INO80D: variants seen among roughly 807,000 people sequenced by gnomAD.
The protein encoded by INO80D is INO80 complex subunit D.
Under a neutral mutation model 87.6 loss-of-function variants are expected in INO80D, and 21 were observed. The observed-to-expected ratio is 0.24, with a 90% CI of 0.17 to 0.35. The LOEUF is 0.35. INO80D is among the 10% of genes least tolerant of loss of function. The pLI is 1.00. For missense variants in INO80D, 982 were observed against 1,280.7 expected (o/e 0.77, Z 3.56); for synonymous variants, 440 against 491.0 (o/e 0.90, Z 1.37).
chr2:206,069,373 A>G (rs1283850991), intron 1 of INO80D, among the ~76,000 whole-genome samples: 3 of 152,138 alleles, frequency 2.0e-5, no homozygotes, highest in Non-Finnish European at 4.4e-5. Context: ...ATACATATAC[A>G]AAATATGTGT....
rs1687941804 is a variant in INO80D, at chr2:206,003,532, G to A, written c.*836C>T. 6.6e-6 allele frequency: 1 copy of A among 152,176 alleles called. No individual in the cohort carries two copies. The allele number at this position is 152,176 out of a possible 1,614,324, so 9.4% of individuals were successfully genotyped here. ...TAGGACATCCCTACCTCACTGACGG[G>A]AATCCAAGCTTTCTATGTTCTGTTT... is the stretch of plus-strand genomic sequence containing the variant. On this transcript the variant is annotated 3_prime_UTR_variant, in exon 11 of 11. Transcript: ENST00000403263.
chr2:206,011,078 C>CAA (rs5838007), intron 8 of INO80D, among the ~76,000 whole-genome samples: 34 of 95,638 alleles, frequency 3.6e-4, no homozygotes, highest in Non-Finnish European at 5.1e-4. Flanking sequence ...AACTCAGTCT[C>CAA]AAAAAAAAAA....
In INO80D at chr2:206,045,903, T is replaced by C. The variant is rs117837834; in HGVS notation, c.1073+601A>G. On this transcript the variant is annotated intron_variant, in intron 5 of 10. Transcript: ENST00000403263. The stretch of plus-strand genomic sequence containing the variant: ...CCACGTGCAAGTTCCTCAACCTATG[T>C]GGGCCTTGCTTTCCTCTTCTGTAAA... Among the ~76,000 whole-genome samples, 86 of 152,310 alleles carry C rather than the reference T, an allele frequency of 5.6e-4. No individual in the cohort carries two copies. In the East Asian group the frequency reaches 0.016, roughly 28 times the overall value.
At chr2:206,012,332 G>A (rs960621615) in intron 8 of INO80D, among the ~76,000 whole-genome samples, 21 of 152,058 alleles carry the variant, frequency 1.4e-4, no homozygotes, top group African/African-American at 4.1e-4. Context: ...AACTGTATGC[G>A]TCTACAAAAC....
chr2:206,005,375 A>G lies in INO80D; in HGVS notation c.2077T>C (p.Phe693Leu), dbSNP rs1408156048. The change falls in exon 11 of 11, where the codon TTC (phenylalanine) becomes CTC (leucine). Residue 693 changes from phenylalanine to leucine, a missense_variant. By Grantham distance (22) the Phe-to-Leu change is conservative (BLOSUM62 0). Coordinates refer to ENST00000403263, the MANE Select transcript of INO80D (RefSeq NM_017759.5). Reference protein sequence around the residue: ...QELSDRGIGVFSTGTGASGIQ... With the variant: ...QELSDRGIGVLSTGTGASGIQ... Reference sequence around the variant, plus strand: ...CCTGAAGCTCCAGTACCTGTGGAGAACACCCCTATTCCTCTATCTGACAAC... The same window carrying G: ...CCTGAAGCTCCAGTACCTGTGGAGAGCACCCCTATTCCTCTATCTGACAAC... 1 of 1,613,836 alleles carries G rather than the reference A, an allele frequency of 6.2e-7. No individual in the cohort carries two copies.
At chr2:206,083,860 CAAAAAAA>C (rs35840816) in intron 1 of INO80D, among the ~76,000 whole-genome samples, 1 of 99,592 alleles carries the variant, frequency 1.0e-5, no homozygotes, top group Non-Finnish European at 2.1e-5. Flanking sequence ...CTAAGCTCAC[CAAAAAAA>C]AAAAAAAAAA....
intron 1 of INO80D, among the ~76,000 whole-genome samples, chr2:206,067,155 G>C (rs1455889309): frequency 6.6e-6 from 1 of 151,780 alleles, no homozygotes; most frequent in African/African-American, 2.4e-5. Flanking sequence ...GCTAAGGCAG[G>C]AGAATCGCTT....
intron 8 of INO80D, among the ~76,000 whole-genome samples, chr2:206,017,047 G>A (rs1688337905): frequency 6.6e-6 from 1 of 152,212 alleles, no homozygotes; most frequent in East Asian, 1.9e-4. Flanking sequence ...TGAATCCTTA[G>A]CCCCTAGTTA....
At chr2:206,011,974 C>G (rs1204162875) in intron 8 of INO80D, among the ~76,000 whole-genome samples, 3 of 152,150 alleles carry the variant, frequency 2.0e-5, no homozygotes, top group Non-Finnish European at 4.4e-5. Context: ...TGGTAACAAA[C>G]CTGAATGAAA....
chr2:206,016,357 G>C (rs933423903), intron 8 of INO80D, among the ~76,000 whole-genome samples: 1 of 152,084 alleles, frequency 6.6e-6, no homozygotes, highest in African/African-American at 2.4e-5. Flanking sequence ...TCTCCCATTT[G>C]GAACAGCTGT....
At chr2:206,038,374 A>C (rs1688945632) in intron 5 of INO80D, among the ~76,000 whole-genome samples, 1 of 152,216 alleles carries the variant, frequency 6.6e-6, no homozygotes, top group East Asian at 1.9e-4. Context: ...TTTTAAAAGA[A>C]ACACTTAACA....
rs1278100602 is a variant in INO80D at position 206,028,346 on chromosome 2, C to A, written c.1074-11G>T. The A allele has an allele frequency of 6.4e-7, 1 of 1,565,778 alleles. No individual in the cohort carries two copies. The highest frequency in any genetic ancestry group is 1.1e-5 in the South Asian group (1 of 86,990). ...TCATCATCATCTGACCTGGAAAGTG[C>A]AGGGAGAGAAAGGAAAAACTGATTA... is the stretch of plus-strand genomic sequence containing the variant. On this transcript the variant is annotated splice_polypyrimidine_tract_variant and intron_variant, in intron 5 of 10. Transcript: ENST00000403263.
At chr2:206,020,415 C>T (rs544178530) in intron 6 of INO80D, among the ~76,000 whole-genome samples, 1 of 152,184 alleles carries the variant, frequency 6.6e-6, no homozygotes, top group East Asian at 1.9e-4. Context: ...TGATTATCGC[C>T]ACCATTAGGA....
At chr2:206,027,160 A>ACGCG (rs1688639861) in intron 6 of INO80D, among the ~76,000 whole-genome samples, 1 of 141,554 alleles carries the variant, frequency 7.1e-6, no homozygotes, top group Non-Finnish European at 1.6e-5. Context: ...GCACGCGCAC[A>ACGCG]CACACACACA....
At chr2:206,083,592 T>C (rs757452227) in intron 1 of INO80D, among the ~76,000 whole-genome samples, 8 of 152,126 alleles carry the variant, frequency 5.3e-5, no homozygotes, top group Admixed American at 1.3e-4. Flanking sequence ...ATATCTATCA[T>C]TGTGGAGAAA....
intron 5 of INO80D, among the ~76,000 whole-genome samples, chr2:206,031,110 T>C (rs910680129): frequency 3.3e-5 from 5 of 151,946 alleles, no homozygotes; most frequent in African/African-American, 9.7e-5. Context: ...AAAAAATAGC[T>C]TGGTATGGTG....
rs1175389682 is a variant in INO80D at position 206,047,856 on chromosome 2, A to ATTTTT, written c.965-1249_965-1245dup. On this transcript the variant is annotated intron_variant, in intron 4 of 10. Coordinates refer to ENST00000403263, the MANE Select transcript of INO80D (RefSeq NM_017759.5). ...CTAATGAGGTTTCGGATTTCTTTCAATTTTTTTTTTTTGAGACGGAGTCTC... is the reference window on the plus strand; with the variant it reads ...CTAATGAGGTTTCGGATTTCTTTCAATTTTTTTTTTTTTTTTTGAGACGGAGTCTC... 5.0e-5 allele frequency among the ~76,000 whole-genome samples: 7 copies of ATTTTT among 139,436 alleles called. 1 individual carries two copies. Among genetic ancestry groups the ATTTTT allele is most frequent in the Non-Finnish European group, 7.7e-5 (5 of 64,842 alleles). The allele number at this position is 139,436 out of a possible 152,430, so 91.5% of individuals were successfully genotyped here.
At chr2:206,012,872 A>AAAC (rs1296600260) in intron 8 of INO80D, among the ~76,000 whole-genome samples, 1 of 151,042 alleles carries the variant, frequency 6.6e-6, no homozygotes, top group Non-Finnish European at 1.5e-5. Context: ...TGTCTCAAAA[A>AAAC]AAAAAAAAAA....
chr2:206,033,623 A>T (rs1465289820), intron 5 of INO80D, among the ~76,000 whole-genome samples: 1 of 152,204 alleles, frequency 6.6e-6, no homozygotes, highest in African/African-American at 2.4e-5. Context: ...CTAAACGCCT[A>T]CATCAAAAAG....
Sources: allele counts gnomAD v4.1 joint callset (sites outside exome capture counted in the v4.1 genomes callset), GRCh38; gene constraint gnomAD v4.1.1; transcripts MANE v1.5; gene names NCBI Gene and HGNC (gene_info 2026-07-23, HGNC 2026-07-21).